Variants in CCDC27 observed in about 807,000 individuals in gnomAD.
CCDC27 encodes coiled-coil domain-containing protein 27.
In CCDC27, 80 loss-of-function variants were observed where a neutral mutation model predicts 80.3. The ratio of observed to expected loss-of-function variants is 1.00; its 90% CI spans 0.83 to 1.20. The LOEUF is 1.20. Ranked by LOEUF, CCDC27 falls within the 50% of genes most tolerant of loss-of-function variation. CCDC27 has a pLI of 0.00. For synonymous variants in CCDC27, 342 were observed against 334.3 expected, an observed-to-expected ratio of 1.02 and a Z score of -0.25; for missense variants, 815 against 809.4, an observed-to-expected ratio of 1.01 and a Z score of -0.08.
rs528713025 is a variant in CCDC27, at chr1:3,766,015, G to A, written c.1453-520G>A. Among the ~76,000 whole-genome samples, 3 of 152,142 alleles carry A rather than the reference G, an allele frequency of 2.0e-5. No individual in the cohort carries two copies. In the South Asian group the frequency reaches 6.2e-4, roughly 32 times the overall value. On this transcript the variant is annotated intron_variant, in intron 8 of 11. Coordinates refer to ENST00000294600, the MANE Select transcript of CCDC27 (RefSeq NM_152492.3). This position sits in a 1 kb window ranked among gnomAD's most constrained non-coding sequence, Gnocchi z 6.1. ...CTCCTGAGGAGCTGGGACCACAGGT[G>A]CACACCACCACACCCAACCAATGTT... is the stretch of plus-strand genomic sequence containing the variant.
chr1:3,759,863 CTGT>C (rs1431371691), intron 4 of CCDC27, among the ~76,000 whole-genome samples: 2 of 152,140 alleles, frequency 1.3e-5, no homozygotes, highest in Non-Finnish European at 2.9e-5. Context: ...GGCAGATATG[CTGT>C]TGTTATTCAT....
Position 3,769,271 on chromosome 1 carries a change from C to A in CCDC27, c.1744-512C>A, listed in dbSNP as rs60016173. ...GACGAGAACGCCTTCTGGGTCTGTG[C>A]GCGGGGGCCAGGTTCAACGCTGCTG... On this transcript the variant is annotated intron_variant, in intron 10 of 11. Transcript: ENST00000294600. This position sits in a 1 kb window ranked among gnomAD's most constrained non-coding sequence, Gnocchi z 4.6. Among the ~76,000 whole-genome samples, 206 of 152,182 alleles carry A rather than the reference C, an allele frequency of 1.4e-3. No homozygotes were observed. The highest frequency in any genetic ancestry group is 4.5e-3 in the African/African-American group (185 of 41,516).
In CCDC27 at chr1:3,763,001, G is replaced by T; in HGVS notation, c.955-107G>T. The T allele has an allele frequency of 7.5e-7, 1 of 1,341,024 alleles. No homozygotes were observed. The allele number at this position is 1,341,024 out of a possible 1,614,324, so 83.1% of individuals were successfully genotyped here. On this transcript the variant is annotated intron_variant, in intron 6 of 11. Coordinates refer to ENST00000294600, the MANE Select transcript of CCDC27 (RefSeq NM_152492.3). The surrounding 1 kb of genome is among the most constrained non-coding windows in gnomAD (Gnocchi z 7.5). Reference sequence around the variant, plus strand: ...CTCCCACTCCCTGGACCCTGCAGCAGCCTGGAAGGAGGCGCCCTCCCCGGT... The same window carrying T: ...CTCCCACTCCCTGGACCCTGCAGCATCCTGGAAGGAGGCGCCCTCCCCGGT...
In CCDC27 at chr1:3,760,987, C is replaced by T. The variant is rs370456860; in HGVS notation, c.712-294C>T. On this transcript the variant is annotated intron_variant, in intron 4 of 11. Coordinates refer to ENST00000294600, the MANE Select transcript of CCDC27 (RefSeq NM_152492.3). The surrounding 1 kb of genome is among the most constrained non-coding windows in gnomAD (Gnocchi z 4.3). ...GCAGGGACACACCACGGGCCAGGTC[C>T]GAAAGGGAAGCTGCCTTGCAACTCC... Among the ~76,000 whole-genome samples, 17 of 152,204 alleles carry T rather than the reference C, an allele frequency of 1.1e-4. No individual in the cohort carries two copies. Among genetic ancestry groups the T allele is most frequent in the Admixed American group, 7.8e-4 (12 of 15,290 alleles).
Position 3,763,688 on chromosome 1 carries a change from C to T in CCDC27, c.1322-18C>T, listed in dbSNP as rs1026179471. Reference sequence around the variant, plus strand: ...GCCCCTGCTTGCTCCTGCTCACCGCCTCTGCCTCTGTGCCCAGGAGTGATT... The same window carrying T: ...GCCCCTGCTTGCTCCTGCTCACCGCTTCTGCCTCTGTGCCCAGGAGTGATT... On this transcript the variant is annotated intron_variant, in intron 7 of 11. Transcript: ENST00000294600. This position sits in a 1 kb window ranked among gnomAD's most constrained non-coding sequence, Gnocchi z 7.5. The T allele has an allele frequency of 1.2e-6, 2 of 1,613,992 alleles. No individual in the cohort carries two copies. Among genetic ancestry groups the T allele is most frequent in the Middle Eastern group, 1.7e-4 (1 of 6,054 alleles).
chr1:3,755,334 A>G, intron 2 of CCDC27, 123 bp from the exon 3 acceptor site: 2 of 776,602 alleles, frequency 2.6e-6, no homozygotes, highest in Non-Finnish European at 2.3e-6. Flanking sequence ...AGTCCCATGC[A>G]TCCATTAAAA....
In CCDC27 at chr1:3,761,333, T is replaced by C; in HGVS notation, c.764T>C (p.Ile255Thr). ...CAGGTTCAGAAGAAAGACGAGGAGA[T>C]CCTGCTGCTCCAGGAGGAGAGGGAG... ...EIQVQKKDEE[I>T]LLLQEEREAL... Residue 255 changes from isoleucine (I) to threonine (T), a missense_variant, in exon 5 of 12, where the codon ATC (isoleucine) becomes ACC (threonine). Ile to Thr is a moderately conservative substitution (Grantham distance 89). Coordinates refer to ENST00000294600, the MANE Select transcript of CCDC27 (RefSeq NM_152492.3). The surrounding 1 kb of genome is among the most constrained non-coding windows in gnomAD (Gnocchi z 5.0). The C allele has an allele frequency of 6.2e-7, 1 of 1,614,154 alleles. No homozygotes were observed. The highest frequency in any genetic ancestry group is 8.5e-7 in the Non-Finnish European group (1 of 1,180,014).
rs1345986013 is a variant in CCDC27 at position 3,769,571 on chromosome 1, C to T, written c.1744-212C>T. Among the ~76,000 whole-genome samples the T allele has an allele frequency of 6.6e-6, 1 of 152,112 alleles. No individual in the cohort carries two copies. Among genetic ancestry groups the T allele is most frequent in the Non-Finnish European group, 1.5e-5 (1 of 68,012 alleles). On this transcript the variant is annotated intron_variant, in intron 10 of 11. Transcript: ENST00000294600. This position sits in a 1 kb window ranked among gnomAD's most constrained non-coding sequence, Gnocchi z 4.6. ...GTCTTTGGGCTTTGGGGCTGGGCCG[C>T]ACAGGGTCAGGGGTTGGATCCGGCA...
Position 3,763,854 on chromosome 1 carries a change from ACCGG to A in CCDC27, c.1452+21_1452+24del, listed in dbSNP as rs1253385940. On this transcript the variant is annotated intron_variant, in intron 8 of 11. Coordinates refer to ENST00000294600, the MANE Select transcript of CCDC27 (RefSeq NM_152492.3). This position sits in a 1 kb window ranked among gnomAD's most constrained non-coding sequence, Gnocchi z 7.5. ...CCGACAAGGTGGCCGTGCGCTCAGT[ACCGG>A]CCTCCGCTCCATGAGCATGGGCCCC... The A allele has an allele frequency of 6.2e-7, 1 of 1,612,356 alleles. No individual in the cohort carries two copies. The highest frequency in any genetic ancestry group is 2.2e-5 in the East Asian group (1 of 44,842).
chr1:3,756,345 GAAA>G (rs535731871), intron 3 of CCDC27: 3 of 138,194 alleles, frequency 2.2e-5, no homozygotes, highest in Non-Finnish European at 4.7e-5. Flanking sequence ...ATCTCAAAAA[GAAA>G]AAAAAAAAAA....
At chr1:3,762,337 G>T (rs938259004) in intron 5 of CCDC27, among the ~76,000 whole-genome samples, 13 of 152,172 alleles carry the variant, frequency 8.5e-5, no homozygotes, top group Admixed American at 2.6e-4. Context: ...CATGCACAGT[G>T]GGCGTGTGTA....
At position 3,763,746 on chromosome 1, in the gene CCDC27, A is replaced by G. The variant is rs1179596607; in HGVS notation, c.1362A>G (p.Glu454=). ...TACAACAACAAGTGGATTTCCAAGA[A>G]ACCCAGCTGCGAAAGATCAATACGG... ...ASLQQQVDFQ[E]TQLRKINTEN... Residue 454 remains glutamate (E), a synonymous_variant, in exon 8 of 12, where the codon GAA becomes GAG. Transcript: ENST00000294600. This position sits in a 1 kb window ranked among gnomAD's most constrained non-coding sequence, Gnocchi z 7.5. 1 of 1,614,004 alleles carries G rather than the reference A, an allele frequency of 6.2e-7. No individual in the cohort carries two copies. Among genetic ancestry groups the G allele is most frequent in the Non-Finnish European group, 8.5e-7 (1 of 1,179,980 alleles).
rs1225840177 is a variant in CCDC27 at position 3,766,441 on chromosome 1, G to A, written c.1453-94G>A. 1.3e-6 allele frequency: 1 copy of A among 759,982 alleles called. No individual in the cohort carries two copies. Among genetic ancestry groups the A allele is most frequent in the Admixed American group, 2.6e-5 (1 of 38,916 alleles). The allele number at this position is 759,982 out of a possible 1,614,324, so 47.1% of individuals were successfully genotyped here. ...AGAAATCCCGCTGCTATTATTTTAG[G>A]GAGCTTTGGGGAAGGAAAAAAGTTA... On this transcript the variant is annotated intron_variant, in intron 8 of 11. Transcript: ENST00000294600. The surrounding 1 kb of genome is among the most constrained non-coding windows in gnomAD (Gnocchi z 6.1).
chr1:3,766,461 A>C lies in CCDC27; in HGVS notation c.1453-74A>C, dbSNP rs1378451994. 21 of 1,056,370 alleles carry C rather than the reference A, an allele frequency of 2.0e-5. No homozygotes were observed. The East Asian group carries it at 4.4e-4, about 22-fold the overall frequency. The allele number at this position is 1,056,370 out of a possible 1,614,324, so 65.4% of individuals were successfully genotyped here. On this transcript the variant is annotated intron_variant, in intron 8 of 11. Coordinates refer to ENST00000294600, the MANE Select transcript of CCDC27 (RefSeq NM_152492.3). This position sits in a 1 kb window ranked among gnomAD's most constrained non-coding sequence, Gnocchi z 6.1. ...TTTAGGGAGCTTTGGGGAAGGAAAA[A>C]AGTTAGATGCCGGAATTCAGTCTGT...
chr1:3,771,466 C>G lies in CCDC27; in HGVS notation c.1914C>G (p.Pro638=), dbSNP rs3737592. ...AGCAGAAAGGCGTCAAAGTGCCCCCCCTGCAACAGTCAGAGGCCTTCCTGA... is the reference window on the plus strand; with the variant it reads ...AGCAGAAAGGCGTCAAAGTGCCCCCGCTGCAACAGTCAGAGGCCTTCCTGA... ...QLKQKGVKVP[P]LQQSEAFLTS... Residue 638 remains proline (P), a synonymous_variant, in exon 12 of 12, where the codon CCC becomes CCG. Transcript: ENST00000294600. 0.084 allele frequency: 135,729 copies of G among 1,613,878 alleles called. 7,210 individuals are homozygous for G. Among genetic ancestry groups the G allele is most frequent in the African/African-American group, 0.25 (18,854 of 74,958 alleles).
At chr1:3,759,159 G>A (rs1400210602) in intron 4 of CCDC27, among the ~76,000 whole-genome samples, 2 of 151,932 alleles carry the variant, frequency 1.3e-5, no homozygotes, top group East Asian at 3.9e-4. Flanking sequence ...GGAGGTTTCA[G>A]TGAGCTGAGA....
chr1:3,753,326 T>C (rs370863378), intron 1 of CCDC27, among the ~76,000 whole-genome samples: 131 of 87,982 alleles, frequency 1.5e-3, no homozygotes, highest in Non-Finnish European at 2.4e-3. Context: ...TTTTCTTTTT[T>C]TTTTTTTTTT....
chr1:3,752,625 G>C lies in CCDC27; in HGVS notation c.144G>C (p.Lys48Asn). 6.2e-7 allele frequency: 1 copy of C among 1,614,220 alleles called. No individual in the cohort carries two copies. The highest frequency in any genetic ancestry group is 8.5e-7 in the Non-Finnish European group (1 of 1,180,054). The change falls in exon 1 of 12, where the codon AAG (lysine) becomes AAC (asparagine). Residue 48 changes from lysine to asparagine, a missense_variant. Physicochemically the swap from Lys to Asn is moderately conservative, Grantham distance 94. Transcript: ENST00000294600. ...GCATCCCACGCCTCATGTTACCTAA[G>C]GAGGCCAGCCCATCTCAGAGGCACA... The part of the protein sequence containing the change: ...GLCIPRLMLP[K>N]EASPSQRHSS...
chr1:3,764,107 G>C (rs1643169884), intron 8 of CCDC27, among the ~76,000 whole-genome samples: 1 of 152,200 alleles, frequency 6.6e-6, no homozygotes, highest in Admixed American at 6.5e-5. Context: ...CTGAGCCGCT[G>C]TGCTCTTGGC....
Sources: gnomAD v4.1 joint callset for allele counts (sites outside exome capture counted in the v4.1 genomes callset) on GRCh38, gnomAD v4.1.1 for gene constraint, Gnocchi (gnomAD v3.1) non-coding constraint, MANE v1.5 for transcripts, NCBI Gene and HGNC (gene_info 2026-07-23, HGNC 2026-07-21) for gene names.